The following TFEC variants were observed in gnomAD, a reference collection of about 807,000 sequenced individuals.
The protein encoded by TFEC is transcription factor EC.
In TFEC, 31 loss-of-function variants were observed where a neutral mutation model predicts 41.6. That is an observed-to-expected ratio of 0.74 (90% CI 0.56 to 1.01). The LOEUF (loss-of-function observed/expected upper bound fraction) is 1.01. Ranked by LOEUF, TFEC falls within the 50% of genes least tolerant of loss-of-function variation. The probability of loss-of-function intolerance (pLI) is 0.00; values close to 1 mark genes in which losing one functional copy is unlikely to be tolerated. For synonymous variants in TFEC, 143 were observed against 140.6 expected (o/e 1.02, Z -0.12); for missense variants, 402 against 404.1 (o/e 0.99, Z 0.04).
chr7:116,140,067 C>T (rs909658771), intron 1 of TFEC, among the ~76,000 whole-genome samples: 5 of 152,162 alleles, frequency 3.3e-5, no homozygotes, highest in African/African-American at 4.8e-5. Flanking sequence ...GCAGGTTAAG[C>T]ATAGCAGATG....
chr7:116,148,445 G>C (rs757381665), intron 1 of TFEC, among the ~76,000 whole-genome samples: 1 of 152,154 alleles, frequency 6.6e-6, no homozygotes, highest in Non-Finnish European at 1.5e-5. Flanking sequence ...TCCACGAACA[G>C]AGCAATGGAG....
chr7:115,945,907 T>G (rs760399238), intron 6 of TFEC, among the ~76,000 whole-genome samples: 1 of 151,750 alleles, frequency 6.6e-6, no homozygotes, highest in Non-Finnish European at 1.5e-5. Flanking sequence ...CATGCTACAA[T>G]GCCAGAGTTA....
At chr7:116,043,309 A>T (rs2896174) in intron 3 of TFEC, among the ~76,000 whole-genome samples, 1 of 151,872 alleles carries the variant, frequency 6.6e-6, no homozygotes, top group African/African-American at 2.4e-5. Flanking sequence ...AGACAATTTG[A>T]AAAAAAATTC....
At chr7:115,982,956 C>T (rs1793692055) in intron 2 of TFEC, among the ~76,000 whole-genome samples, 1 of 151,980 alleles carries the variant, frequency 6.6e-6, no homozygotes. Flanking sequence ...TAGATTTTAC[C>T]TAGAATTAAC....
intron 3 of TFEC, among the ~76,000 whole-genome samples, chr7:116,075,022 A>C (rs1482062827): frequency 6.6e-6 from 1 of 152,174 alleles, no homozygotes; most frequent in East Asian, 1.9e-4. Flanking sequence ...CACTACTAAC[A>C]AAAGAGTTGG....
chr7:116,005,667 C>T lies in TFEC; in HGVS notation c.-72-21154G>A, dbSNP rs182036813. ...ACAATGCAATAGAAAAGTAAATGGG[C>T]TTTTCTGAGAAGAAATTCAAGTGGG... On this transcript the variant is annotated intron_variant, in intron 1 of 7. Coordinates refer to ENST00000265440, the MANE Select transcript of TFEC (RefSeq NM_012252.4). 8.5e-5 allele frequency among the ~76,000 whole-genome samples: 13 copies of T among 152,228 alleles called. No homozygotes were observed. The East Asian group carries it at 2.3e-3, about 27-fold the overall frequency.
At chr7:116,012,639 T>G (rs1403889892) in intron 1 of TFEC, among the ~76,000 whole-genome samples, 1 of 152,092 alleles carries the variant, frequency 6.6e-6, no homozygotes, top group East Asian at 1.9e-4. Flanking sequence ...TCTTATAAAA[T>G]TCTGTTGCAA....
At chr7:115,979,057 G>A (rs1793509715) in intron 2 of TFEC, among the ~76,000 whole-genome samples, 1 of 152,086 alleles carries the variant, frequency 6.6e-6, no homozygotes, top group South Asian at 2.1e-4. Context: ...TGATCTCACT[G>A]ATACCACAGT....
chr7:116,036,062 T>A (rs968154672), intron 3 of TFEC, among the ~76,000 whole-genome samples: 1 of 152,014 alleles, frequency 6.6e-6, no homozygotes, highest in Non-Finnish European at 1.5e-5. Flanking sequence ...GGGAAAATAT[T>A]TTTCCATATG....
chr7:116,071,959 AC>A (rs2131025441), intron 3 of TFEC, among the ~76,000 whole-genome samples: 1 of 151,674 alleles, frequency 6.6e-6, no homozygotes, highest in Non-Finnish European at 1.5e-5. Context: ...AAACAGAAAT[AC>A]ATAAAAGACC....
At chr7:115,970,124 C>T (rs535906068) in intron 3 of TFEC, among the ~76,000 whole-genome samples, 95 of 151,692 alleles carry the variant, frequency 6.3e-4, no homozygotes, top group Non-Finnish European at 1.2e-3. Context: ...GAAAAGAGGA[C>T]CAAAGACTGA....
intron 1 of TFEC, among the ~76,000 whole-genome samples, chr7:115,996,547 G>T (rs1794375506): frequency 6.6e-6 from 1 of 151,838 alleles, no homozygotes; most frequent in Non-Finnish European, 1.5e-5. Context: ...CTTGAGAAAA[G>T]GAGAGGGAAG....
rs57742551 is a variant in TFEC, at chr7:116,062,560, C to CATATATATAT, written c.198+48138_198+48147dup. On this transcript the variant is annotated intron_variant, in intron 3 of 8. Transcript: ENST00000484212. ...TTCCTTTTTATAGCTGAGTAGTACTCATATATATATATATATATATATATA... is the reference window on the plus strand; with the variant it reads ...TTCCTTTTTATAGCTGAGTAGTACTCATATATATATATATATATATATATATATATATATA... Among the ~76,000 whole-genome samples, 604 of 101,444 alleles carry CATATATATAT rather than the reference C, an allele frequency of 6.0e-3. 8 individuals carry two copies. The highest frequency in any genetic ancestry group is 0.011 in the East Asian group (38 of 3,386). The allele number at this position is 101,444 out of a possible 152,430, so 66.6% of individuals were successfully genotyped here.
At chr7:116,028,533 G>A (rs968364775) in intron 1 of TFEC, among the ~76,000 whole-genome samples, 12 of 152,112 alleles carry the variant, frequency 7.9e-5, no homozygotes, top group African/African-American at 2.9e-4. Context: ...AATCTGTGCA[G>A]GAACCATGCT....
chr7:115,968,255 T>C, intron 3 of TFEC: 1 of 1,530,470 alleles, frequency 6.5e-7, no homozygotes, highest in Non-Finnish European at 8.7e-7. Flanking sequence ...CATCATTTTC[T>C]TTTCCTTAAA....
chr7:115,941,913 G>T lies in TFEC; in HGVS notation c.643C>A (p.Arg215=), dbSNP rs748671053. Residue 215 remains arginine, a synonymous_variant, in exon 7 of 8, where the codon CGA becomes AGA. Coordinates refer to ENST00000265440, the MANE Select transcript of TFEC (RefSeq NM_012252.4). ...AAAACCTGAATCCGAAGTAGAAGTC[G>T]CCTGTTAGCCTGCTCTAATTTCTTC... ...RQKKLEQANR[R]LLLRIQELEI... The T allele has an allele frequency of 3.7e-6, 6 of 1,612,936 alleles. No homozygotes were observed. In the East Asian group the frequency reaches 1.1e-4, roughly 30 times the overall value.
chr7:116,064,684 G>A (rs1338601115), intron 3 of TFEC, among the ~76,000 whole-genome samples: 1 of 152,012 alleles, frequency 6.6e-6, no homozygotes, highest in East Asian at 1.9e-4. Flanking sequence ...TGCACATTCT[G>A]CACATGTATC....
At chr7:116,078,927 C>T (rs1354005941) in intron 3 of TFEC, among the ~76,000 whole-genome samples, 2 of 152,096 alleles carry the variant, frequency 1.3e-5, no homozygotes, top group South Asian at 2.1e-4. Flanking sequence ...TGCAAAAATC[C>T]TCAACATAAT....
intron 3 of TFEC, among the ~76,000 whole-genome samples, chr7:115,958,496 C>G (rs978720436): frequency 6.6e-6 from 1 of 151,784 alleles, no homozygotes; most frequent in Non-Finnish European, 1.5e-5. Flanking sequence ...CACTTTCCCT[C>G]TGAAGAGCCT....
Sources: gnomAD v4.1 joint callset for allele counts (sites outside exome capture counted in the v4.1 genomes callset) on GRCh38, gnomAD v4.1.1 for gene constraint, MANE v1.5 for transcripts, NCBI Gene and HGNC (gene_info 2026-07-23, HGNC 2026-07-21) for gene names.